The following ROBO2 variants were observed in gnomAD, a reference collection of about 807,000 sequenced individuals.
ROBO2 encodes roundabout homolog 2.
In ROBO2, 53 loss-of-function variants were observed where a neutral mutation model predicts 160.8. The ratio of observed to expected loss-of-function variants is 0.33; its 90% CI spans 0.26 to 0.41. The LOEUF is 0.41. ROBO2 is among the 10% of genes least tolerant of loss of function. The pLI is 1.00. For synonymous variants in ROBO2, 664 were observed against 611.7 expected (o/e 1.09, Z -1.26); for missense variants, 1,577 against 1,722.4 (o/e 0.92, Z 1.49).
intron 2 of ROBO2, among the ~76,000 whole-genome samples, chr3:76,112,695 T>C (rs1285776446): frequency 8.7e-6 from 1 of 115,294 alleles, no homozygotes; most frequent in Non-Finnish European, 1.7e-5. Context: ...AGATTATTCT[T>C]AGCCCAGAAG....
Position 76,178,608 on chromosome 3 carries a change from C to T in ROBO2, c.109+241006C>T, listed in dbSNP as rs867607447. Among the ~76,000 whole-genome samples the T allele has an allele frequency of 1.1e-4, 16 of 152,214 alleles. No individual in the cohort carries two copies. In the Middle Eastern group the frequency reaches 0.01, roughly 98 times the overall value. On this transcript the variant is annotated intron_variant, in intron 2 of 26. Transcript: ENST00000487694. ...ATAATTATCATAGGCAATAATGTGG[C>T]ACAGCCTTCTAAGTAGTTTGAGTCA... is the stretch of plus-strand genomic sequence containing the variant.
chr3:76,119,796 G>A (rs922252989), intron 2 of ROBO2, among the ~76,000 whole-genome samples: 2 of 151,780 alleles, frequency 1.3e-5, no homozygotes, highest in Non-Finnish European at 2.9e-5. Context: ...TATTAGAACA[G>A]GAGTTTTCAA....
chr3:76,818,842 C>T (rs1180652538), intron 2 of ROBO2, among the ~76,000 whole-genome samples: 1 of 152,050 alleles, frequency 6.6e-6, no homozygotes, highest in Non-Finnish European at 1.5e-5. Flanking sequence ...CACTACCATG[C>T]TGTTTTGGTA....
chr3:77,365,653 T>C (rs149648375), intron 2 of ROBO2, among the ~76,000 whole-genome samples: 113 of 152,260 alleles, frequency 7.4e-4, no homozygotes, highest in African/African-American at 2.7e-3. Flanking sequence ...GACTTAGGTG[T>C]AGAAAGGTAT....
chr3:76,995,878 A>T (rs1406011397), intron 2 of ROBO2, among the ~76,000 whole-genome samples: 1 of 152,042 alleles, frequency 6.6e-6, no homozygotes. Context: ...TAGATTGCAA[A>T]CATTTTCTCC....
chr3:77,240,114 C>T (rs900990994), intron 2 of ROBO2, among the ~76,000 whole-genome samples: 29 of 152,280 alleles, frequency 1.9e-4, no homozygotes, highest in Non-Finnish European at 3.5e-4. Context: ...CTTGGGAGGT[C>T]GATGGGACTG....
intron 20 of ROBO2, among the ~76,000 whole-genome samples, chr3:77,605,856 T>C (rs1269096200): frequency 1.3e-5 from 2 of 152,038 alleles, no homozygotes; most frequent in Non-Finnish European, 2.9e-5. Context: ...AAAAGTACCA[T>C]GGAAAACGAA....
chr3:76,052,057 A>T (rs1327253430), intron 2 of ROBO2, among the ~76,000 whole-genome samples: 2 of 152,112 alleles, frequency 1.3e-5, no homozygotes, highest in East Asian at 3.8e-4. Context: ...ATAATCAGAC[A>T]TTCTTTTACA....
chr3:77,286,289 G>A (rs192737583), intron 2 of ROBO2, among the ~76,000 whole-genome samples: 21 of 129,248 alleles, frequency 1.6e-4, no homozygotes, highest in Admixed American at 1.4e-3. Context: ...CTTGAGTCTC[G>A]CTCTATCACC....
chr3:76,589,514 A>C lies in ROBO2; in HGVS notation c.110-508500A>C, dbSNP rs576645178. Among the ~76,000 whole-genome samples the C allele has an allele frequency of 7.2e-5, 11 of 152,254 alleles. No individual in the cohort carries two copies. In the South Asian group the frequency reaches 2.3e-3, roughly 32 times the overall value. Reference sequence around the variant, plus strand: ...AGACGGGGTTTCACCACTTGTTCTAAATACTTCGGAGCATTGTGTTGCACA... The same window carrying C: ...AGACGGGGTTTCACCACTTGTTCTACATACTTCGGAGCATTGTGTTGCACA... On this transcript the variant is annotated intron_variant, in intron 2 of 26. Transcript: ENST00000487694.
intron 2 of ROBO2, among the ~76,000 whole-genome samples, chr3:76,271,934 T>C (rs1707456311): frequency 6.6e-6 from 1 of 152,166 alleles, no homozygotes; most frequent in African/African-American, 2.4e-5. Context: ...AGAATATTTC[T>C]TTTCTAAATA....
At chr3:76,670,835 T>A (rs1427643177) in intron 2 of ROBO2, among the ~76,000 whole-genome samples, 2 of 151,948 alleles carry the variant, frequency 1.3e-5, no homozygotes, top group African/African-American at 4.8e-5. Flanking sequence ...GAGATGATTT[T>A]ATTATTGTTA....
chr3:76,244,434 T>C (rs1705491494), intron 2 of ROBO2, among the ~76,000 whole-genome samples: 1 of 152,194 alleles, frequency 6.6e-6, no homozygotes, highest in Non-Finnish European at 1.5e-5. Flanking sequence ...ACTGAATTAC[T>C]TGTCTTGGAT....
chr3:77,085,218 A>G (rs539100075), intron 1 of ROBO2, among the ~76,000 whole-genome samples: 87 of 152,270 alleles, frequency 5.7e-4, no homozygotes, highest in African/African-American at 1.7e-3. Context: ...TTGGCCAAAT[A>G]AAACTGGAGA....
intron 2 of ROBO2, among the ~76,000 whole-genome samples, chr3:76,164,781 A>G (rs997892711): frequency 2.0e-5 from 3 of 152,148 alleles, no homozygotes; most frequent in Non-Finnish European, 4.4e-5. Context: ...AGGGTCTTTG[A>G]AATGGTCAGT....
In ROBO2 at chr3:76,355,590, G is replaced by A. The variant is rs543350630; in HGVS notation, c.109+417988G>A. On this transcript the variant is annotated intron_variant, in intron 2 of 26. Transcript: ENST00000487694. The stretch of plus-strand genomic sequence containing the variant: ...TATTCACTTATTCCTTAAAATTCAC[G>A]GATAATAAGTATATCTAACACTGAA... 5.3e-5 allele frequency among the ~76,000 whole-genome samples: 8 copies of A among 151,596 alleles called. No individual in the cohort carries two copies. The South Asian group carries it at 1.0e-3, about 20-fold the overall frequency.
At chr3:76,797,065 A>G (rs1344003890) in intron 2 of ROBO2, among the ~76,000 whole-genome samples, 1 of 152,090 alleles carries the variant, frequency 6.6e-6, no homozygotes, top group African/African-American at 2.4e-5. Flanking sequence ...ACAAAAAAAC[A>G]TTGGATCTAA....
At chr3:76,043,499 ACTCTGT>A (rs1489684163) in intron 2 of ROBO2, among the ~76,000 whole-genome samples, 1 of 151,052 alleles carries the variant, frequency 6.6e-6, no homozygotes, top group African/African-American at 2.5e-5. Context: ...CTGATCCTCT[ACTCTGT>A]AAAGACCATG....
Position 75,912,345 on chromosome 3 carries a change from C to T in ROBO2, c.-14+5385C>T, listed in dbSNP as rs139605446. ...GTTTTCTATTTGTGGTATGACAATT[C>T]ATGTATGGACTTCATGTAATTAACA... On this transcript the variant is annotated intron_variant, in intron 1 of 26. Coordinates refer to the ROBO2 transcript ENST00000487694. Among the ~76,000 whole-genome samples, 223 of 152,238 alleles carry T rather than the reference C, an allele frequency of 1.5e-3. 1 individual carries two copies. The highest frequency in any genetic ancestry group is 5.1e-3 in the African/African-American group (213 of 41,552).
Sources: allele counts gnomAD v4.1 joint callset (sites outside exome capture counted in the v4.1 genomes callset), GRCh38; gene constraint gnomAD v4.1.1; transcripts MANE v1.5; gene names NCBI Gene and HGNC (gene_info 2026-07-23, HGNC 2026-07-21).